Variants in FBXO16 observed in about 807,000 individuals in gnomAD.
FBXO16 encodes the protein F-box only protein 16.
FBXO16 carries 31 observed loss-of-function variants against 41.0 expected under a neutral mutation model. The ratio of observed to expected loss-of-function variants is 0.76; its 90% CI spans 0.57 to 1.02. The LOEUF (loss-of-function observed/expected upper bound fraction) is 1.02. FBXO16 is among the 50% of genes least tolerant of loss of function. The pLI, the probability that FBXO16 is intolerant of heterozygous loss-of-function variation, is 0.00. For missense variants in FBXO16, 361 were observed against 346.2 expected (o/e 1.04, Z -0.34); for synonymous variants, 133 against 117.8 (o/e 1.13, Z -0.84).
chr8:28,430,468 A>G (rs1438380353), intron 7 of FBXO16, among the ~76,000 whole-genome samples: 1 of 151,698 alleles, frequency 6.6e-6, no homozygotes. Flanking sequence ...AGTGGGCAAA[A>G]CTGGGGTTAA....
At position 28,483,540 on chromosome 8, in the gene FBXO16, C is replaced by T. The variant is rs554456562; in HGVS notation, c.-16-78G>A. 5.4e-5 allele frequency: 57 copies of T among 1,060,578 alleles called. No homozygotes were observed. In the South Asian group the frequency reaches 6.0e-4, roughly 11 times the overall value. The allele number at this position is 1,060,578 out of a possible 1,614,324, so 65.7% of individuals were successfully genotyped here. On this transcript the variant is annotated intron_variant, in intron 1 of 8. Coordinates refer to ENST00000380254, the MANE Select transcript of FBXO16 (RefSeq NM_172366.4). ...GAAAACAAAAATTACTAATACCAGC[C>T]AGGCACGATGGCTCACGCCTGTAAT...
chr8:28,430,925 C>T (rs1041135652), intron 7 of FBXO16, among the ~76,000 whole-genome samples: 2 of 151,924 alleles, frequency 1.3e-5, no homozygotes, highest in African/African-American at 2.4e-5. Flanking sequence ...TGAGCAAGAC[C>T]GCGCCATTGC....
chr8:28,465,348 T>C (rs1364819336), intron 3 of FBXO16: 1 of 445,480 alleles, frequency 2.2e-6, no homozygotes, highest in Non-Finnish European at 4.5e-6. Flanking sequence ...ATAGGCCCCG[T>C]GTGGTGGCTC....
chr8:28,439,865 TATAA>T (rs1802741455), intron 7 of FBXO16, among the ~76,000 whole-genome samples: 1 of 21,592 alleles, frequency 4.6e-5, no homozygotes, highest in East Asian at 6.3e-3. Flanking sequence ...AACTCTGTTC[TATAA>T]ATTCTTCTGT....
intron 6 of FBXO16, among the ~76,000 whole-genome samples, chr8:28,449,997 A>G (rs1240883403): frequency 1.3e-5 from 2 of 150,618 alleles, no homozygotes; most frequent in Admixed American, 6.6e-5. Context: ...AAAAAAAAAG[A>G]AGGGCGATTT....
At chr8:28,456,967 A>T in intron 4 of FBXO16, 37 bp from the exon 5 acceptor site, 1 of 1,594,584 alleles carries the variant, frequency 6.3e-7, no homozygotes. Context: ...AACCAAATCA[A>T]ACAACCCCTT....
intron 1 of FBXO16, among the ~76,000 whole-genome samples, chr8:28,486,728 G>A (rs1260403775): frequency 1.3e-5 from 2 of 151,964 alleles, no homozygotes; most frequent in African/African-American, 2.4e-5. Flanking sequence ...ACTTGGGGTG[G>A]GGGCAGAGGG....
At chr8:28,479,806 C>T (rs1045578971) in intron 2 of FBXO16, among the ~76,000 whole-genome samples, 2 of 152,068 alleles carry the variant, frequency 1.3e-5, no homozygotes, top group African/African-American at 2.4e-5. Flanking sequence ...CCCCAACCTC[C>T]AACTCCTGGG....
chr8:28,437,305 G>T (rs1282905805), intron 7 of FBXO16, among the ~76,000 whole-genome samples: 1 of 152,120 alleles, frequency 6.6e-6, no homozygotes, highest in Non-Finnish European at 1.5e-5. Context: ...ATTTATTATG[G>T]ATAGCCTGAT....
chr8:28,428,856 T>C (rs1802566178), intron 8 of FBXO16, 120 bp from the exon 9 acceptor site: 4 of 1,156,000 alleles, frequency 3.5e-6, no homozygotes, highest in Non-Finnish European at 4.7e-6. Context: ...TGGATGGGAT[T>C]TATTGAGATT....
At chr8:28,448,627 T>C (rs1293524125) in intron 6 of FBXO16, among the ~76,000 whole-genome samples, 1 of 152,218 alleles carries the variant, frequency 6.6e-6, no homozygotes, top group Non-Finnish European at 1.5e-5. Context: ...GTCTGAATAT[T>C]CTTGATAGAA....
Position 28,458,544 on chromosome 8 carries a change from C to CTTTTTT in FBXO16, c.343-1620_343-1615dup, listed in dbSNP as rs34617439. On this transcript the variant is annotated intron_variant, in intron 4 of 8. Coordinates refer to ENST00000380254, the MANE Select transcript of FBXO16 (RefSeq NM_172366.4). Reference sequence around the variant, plus strand: ...TTCCTTTTCTCCTCTTCTTCTTCTTCTTTTTTTTTTTTTTTTTTTTTTTTT... The same window carrying CTTTTTT: ...TTCCTTTTCTCCTCTTCTTCTTCTTCTTTTTTTTTTTTTTTTTTTTTTTTTTTTTTT... 2.9e-3 allele frequency among the ~76,000 whole-genome samples: 252 copies of CTTTTTT among 87,532 alleles called. 1 individual carries two copies. Among genetic ancestry groups the CTTTTTT allele is most frequent in the African/African-American group, 3.7e-3 (94 of 25,082 alleles). The allele number at this position is 87,532 out of a possible 152,430, so 57.4% of individuals were successfully genotyped here.
intron 7 of FBXO16, among the ~76,000 whole-genome samples, chr8:28,434,884 A>C (rs976100989): frequency 1.4e-4 from 22 of 152,240 alleles, no homozygotes; most frequent in African/African-American, 5.3e-4. Flanking sequence ...CCTCAAGGGA[A>C]CGTGGTGGCT....
intron 3 of FBXO16, 65 bp from the exon 4 acceptor site, chr8:28,463,883 C>T (rs1288468039): frequency 1.7e-5 from 24 of 1,444,140 alleles, no homozygotes; most frequent in South Asian, 9.4e-5. Context: ...AGATTCATTA[C>T]GAGTAAGACA....
intron 4 of FBXO16, among the ~76,000 whole-genome samples, chr8:28,462,731 T>C (rs977504379): frequency 5.3e-5 from 8 of 152,362 alleles, no homozygotes; most frequent in African/African-American, 1.9e-4. Flanking sequence ...AACTTCACTT[T>C]AATACAGGAC....
intron 7 of FBXO16, among the ~76,000 whole-genome samples, chr8:28,436,420 C>A (rs1164131580): frequency 6.6e-6 from 1 of 152,202 alleles, no homozygotes; most frequent in South Asian, 2.1e-4. Context: ...AAATAACCAA[C>A]GCAGTTTTAA....
intron 2 of FBXO16, among the ~76,000 whole-genome samples, chr8:28,475,622 C>T (rs1803411649): frequency 6.6e-6 from 1 of 152,212 alleles, no homozygotes; most frequent in Admixed American, 6.5e-5. Flanking sequence ...TTCTCTCCTC[C>T]TAACTCCTAC....
intron 2 of FBXO16, among the ~76,000 whole-genome samples, chr8:28,475,842 T>C (rs951303816): frequency 6.6e-6 from 1 of 152,164 alleles, no homozygotes; most frequent in African/African-American, 2.4e-5. Context: ...GTCATAGAAT[T>C]TTAGAGCTAA....
intron 7 of FBXO16, among the ~76,000 whole-genome samples, chr8:28,436,630 A>C (rs1802691216): frequency 6.6e-6 from 1 of 152,232 alleles, no homozygotes; most frequent in Admixed American, 6.5e-5. Flanking sequence ...ATAAGGTCTG[A>C]GTGAACTCAT....
Sources: gnomAD v4.1 joint callset for allele counts (sites outside exome capture counted in the v4.1 genomes callset) on GRCh38, gnomAD v4.1.1 for gene constraint, MANE v1.5 for transcripts, NCBI Gene and HGNC (gene_info 2026-07-23, HGNC 2026-07-21) for gene names.